GLB1L2: variants seen among roughly 807,000 people sequenced by gnomAD.
GLB1L2 encodes the protein beta-galactosidase-1-like protein 2.
A neutral mutation model predicts 84.1 loss-of-function variants in GLB1L2; 68 were observed. That is an observed-to-expected ratio of 0.81 (90% confidence interval 0.67 to 0.99). The LOEUF is 0.99. Ranked by LOEUF, GLB1L2 falls within the 50% of genes least tolerant of loss-of-function variation. The probability of loss-of-function intolerance (pLI) is 0.00; values close to 1 mark genes in which losing one functional copy is unlikely to be tolerated. For synonymous variants in GLB1L2, 290 were observed against 318.0 expected (o/e 0.91, Z 0.94); for missense variants, 762 against 805.6 (o/e 0.95, Z 0.66).
At chr11:134,368,518 A>G in intron 9 of GLB1L2, 126 bp from the exon 10 acceptor site, 1 of 912,276 alleles carries the variant, frequency 1.1e-6, no homozygotes, top group Non-Finnish European at 1.7e-6. Flanking sequence ...AGCTAGAAGG[A>G]CAGAGTGACA....
chr11:134,365,265 G>T (rs1943853403), intron 8 of GLB1L2, among the ~76,000 whole-genome samples: 1 of 152,230 alleles, frequency 6.6e-6, no homozygotes. Context: ...GCCAGAGTAG[G>T]CGAGGAGGCT....
chr11:134,364,615 C>G, intron 8 of GLB1L2: 2 of 540,496 alleles, frequency 3.7e-6, no homozygotes, highest in Non-Finnish European at 6.5e-6. Context: ...TGGACATCAC[C>G]CACTGCCCTG....
chr11:134,332,179 A>T (rs1374449727), intron 1 of GLB1L2, 32 bp downstream of exon 1: 1 of 1,433,356 alleles, frequency 7.0e-7, no homozygotes, highest in Non-Finnish European at 9.5e-7. Context: ...CACCTGCCGG[A>T]CCCCACATTC....
At chr11:134,373,671 A>C in intron 15 of GLB1L2, 50 bp from the exon 16 acceptor site, 1 of 1,264,058 alleles carries the variant, frequency 7.9e-7, no homozygotes, top group Non-Finnish European at 1.1e-6. Context: ...GGCCCAGCTG[A>C]CTCGGCCCCT....
In GLB1L2 at chr11:134,339,694, C is replaced by A. The variant is rs1454544885; in HGVS notation, c.87-3060C>A. 6.6e-6 allele frequency among the ~76,000 whole-genome samples: 1 copy of A among 151,944 alleles called. No homozygotes were observed. The highest frequency in any genetic ancestry group is 1.5e-5 in the Non-Finnish European group (1 of 68,016). On this transcript the variant is annotated intron_variant, in intron 1 of 18. Transcript: ENST00000535456. This position sits in a 1 kb window ranked among gnomAD's most constrained non-coding sequence, Gnocchi z 5.7. ...GACAAGCTCTATCCAGGGAGGGAGT[C>A]TACGTAGTGTCCAAGGAGAAGACGC...
At chr11:134,346,896 T>C (rs1015253107) in intron 4 of GLB1L2, 2 of 179,454 alleles carry the variant, frequency 1.1e-5, no homozygotes, top group African/African-American at 4.7e-5. Flanking sequence ...CCCCTCGCAG[T>C]CTCTGTCAGG....
In GLB1L2 at chr11:134,373,711, C is replaced by T; in HGVS notation, c.1508-10C>T. Reference sequence around the variant, plus strand: ...TTGGGCTACCCACGTGTCCTGCCTCCCTCCCACAGGCTTAATTGGAAATCT... The same window carrying T: ...TTGGGCTACCCACGTGTCCTGCCTCTCTCCCACAGGCTTAATTGGAAATCT... On this transcript the variant is annotated splice_polypyrimidine_tract_variant and intron_variant, in intron 15 of 18. Transcript: ENST00000535456. 1 of 1,597,406 alleles carries T rather than the reference C, an allele frequency of 6.3e-7. No individual in the cohort carries two copies. The highest frequency in any genetic ancestry group is 1.7e-4 in the Middle Eastern group (1 of 5,988).
At chr11:134,358,769 C>G (rs1943740177) in intron 6 of GLB1L2, among the ~76,000 whole-genome samples, 1 of 150,314 alleles carries the variant, frequency 6.7e-6, no homozygotes, top group Non-Finnish European at 1.5e-5. Context: ...AGTGTAGACT[C>G]GCCTAGGCAT....
chr11:134,367,339 C>G lies in GLB1L2; in HGVS notation c.887C>G (p.Ser296Cys). The stretch of plus-strand genomic sequence containing the variant: ...GGCCCTCACAATATCTTGGATTCTT[C>G]TGGTGAGTGCTTGCGGTGACTACAT... Reference protein sequence around the residue: ...WGGPHNILDSSEVLKTVSAIV... With the variant: ...WGGPHNILDSCEVLKTVSAIV... Residue 296 changes from serine to cysteine, a missense_variant and splice_region_variant, in exon 9 of 19, where the codon TCT becomes TGT. By Grantham distance (112) the Ser-to-Cys change is moderately radical (BLOSUM62 -1). Coordinates refer to ENST00000535456, the MANE Select transcript of GLB1L2 (RefSeq NM_001370461.1). 1 of 1,613,098 alleles carries G rather than the reference C, an allele frequency of 6.2e-7. No individual in the cohort carries two copies. The highest frequency in any genetic ancestry group is 1.3e-5 in the African/African-American group (1 of 75,022).
intron 5 of GLB1L2, chr11:134,356,039 G>T (rs1337563394): frequency 3.3e-6 from 2 of 612,412 alleles, no homozygotes; most frequent in Non-Finnish European, 3.0e-6. Context: ...GTTTTGATTT[G>T]GTGGTCACTT....
chr11:134,374,171 T>G lies in GLB1L2; in HGVS notation c.1622T>G (p.Leu541Arg). The G allele has an allele frequency of 6.2e-7, 1 of 1,614,046 alleles. No homozygotes were observed. The highest frequency in any genetic ancestry group is 8.5e-7 in the Non-Finnish European group (1 of 1,179,866). The change falls in exon 17 of 19, where the codon CTC (leucine) becomes CGC (arginine). Residue 541 changes from leucine to arginine, a missense_variant. By Grantham distance (102) the Leu-to-Arg change is moderately radical (BLOSUM62 -2). Around this residue, in one of 3 missense-constraint regions of GLB1L2, gnomAD observed 603 missense variants for 611.7 expected, o/e 0.99. Transcript: ENST00000535456. ...QRFGLDKWSSLPETPTLPAFF... is the reference protein window; with the variant it reads ...QRFGLDKWSSRPETPTLPAFF... ...TTCGGCCTGGACAAATGGAGTTCCC[T>G]CCCAGAAACACCCACATTACCTGCT...
chr11:134,355,846 CGTGAACAAGTTAGAACATT>C (rs1409052107), intron 5 of GLB1L2, among the ~76,000 whole-genome samples: 1 of 152,172 alleles, frequency 6.6e-6, no homozygotes, highest in Non-Finnish European at 1.5e-5. Context: ...GTTAGAACAT[CGTGAACAAGTTAGAACATT>C]GTAAACAAGT....
Position 134,374,592 on chromosome 11 carries a change from C to G in GLB1L2, c.1708-10C>G. 6.2e-7 allele frequency: 1 copy of G among 1,604,612 alleles called. No homozygotes were observed. Among genetic ancestry groups the G allele is most frequent in the Non-Finnish European group, 8.5e-7 (1 of 1,171,470 alleles). On this transcript the variant is annotated splice_polypyrimidine_tract_variant and intron_variant, in intron 17 of 18. Transcript: ENST00000535456. ...CGTGGTAGATGAACACCCTTCCCCTCTGTTTCAAGGGCTGGGAGAAGGGGG... is the reference window on the plus strand; with the variant it reads ...CGTGGTAGATGAACACCCTTCCCCTGTGTTTCAAGGGCTGGGAGAAGGGGG...
chr11:134,351,123 T>C (rs1015266946), intron 5 of GLB1L2, among the ~76,000 whole-genome samples: 5 of 152,250 alleles, frequency 3.3e-5, no homozygotes, highest in Non-Finnish European at 7.3e-5. Context: ...AGGAAAAGTT[T>C]TCAGTCTTTC....
intron 7 of GLB1L2, among the ~76,000 whole-genome samples, chr11:134,363,192 G>A (rs889408821): frequency 6.6e-6 from 1 of 152,302 alleles, no homozygotes; most frequent in African/African-American, 2.4e-5. Flanking sequence ...TGGAGGGCAG[G>A]GACAGGGCAG....
In GLB1L2 at chr11:134,375,304, T is replaced by G. The variant is rs1410542517; in HGVS notation, c.*246T>G. On this transcript the variant is annotated 3_prime_UTR_variant, in exon 19 of 19. Coordinates refer to ENST00000535456, the MANE Select transcript of GLB1L2 (RefSeq NM_001370461.1). ...TACAGCCCTGCTCTTGTGCCGAGGC[T>G]GTCGGGCTGTCTCTAGGGTGGGAGC... is the stretch of plus-strand genomic sequence containing the variant. The G allele has an allele frequency of 4.2e-6, 2 of 474,510 alleles. No individual in the cohort carries two copies. The highest frequency in any genetic ancestry group is 7.8e-5 in the Admixed American group (2 of 25,800). The allele number at this position is 474,510 out of a possible 1,614,324, so 29.4% of individuals were successfully genotyped here.
At chr11:134,348,271 G>C (rs1439524443) in intron 5 of GLB1L2, among the ~76,000 whole-genome samples, 5 of 152,224 alleles carry the variant, frequency 3.3e-5, no homozygotes, top group African/African-American at 9.6e-5. Flanking sequence ...ATATTGCATG[G>C]GTCATACTTA....
chr11:134,342,435 G>A (rs1032504995), intron 1 of GLB1L2, among the ~76,000 whole-genome samples: 6 of 151,896 alleles, frequency 4.0e-5, no homozygotes, highest in Non-Finnish European at 7.4e-5. Flanking sequence ...TGCGGCGCCC[G>A]CCCCGCCCCG....
At chr11:134,354,940 ATC>A (rs765172061) in intron 5 of GLB1L2, among the ~76,000 whole-genome samples, 60 of 152,030 alleles carry the variant, frequency 3.9e-4, no homozygotes, top group African/African-American at 1.1e-3. Context: ...CTGCCCTTTT[ATC>A]TCTCTTTTTC....
Sources: allele counts gnomAD v4.1 joint callset (sites outside exome capture counted in the v4.1 genomes callset), GRCh38; gene constraint gnomAD v4.1.1; regional missense constraint gnomAD v4.1.1; non-coding constraint Gnocchi (gnomAD v3.1); transcripts MANE v1.5; gene names NCBI Gene and HGNC (gene_info 2026-07-23, HGNC 2026-07-21).